IMMP1L: variants seen among roughly 807,000 people sequenced by gnomAD.
The protein encoded by IMMP1L is inner mitochondrial membrane peptidase subunit 1, also known as mitochondrial inner membrane protease subunit 1.
In IMMP1L, 24 loss-of-function variants were observed where a neutral mutation model predicts 21.8. The ratio of observed to expected loss-of-function variants is 1.10; its 90% CI spans 0.80 to 1.55. IMMP1L has a LOEUF of 1.55. Among genes scored for constraint, IMMP1L ranks in the 40% most tolerant of loss-of-function variants. IMMP1L has a pLI of 0.00. For missense variants in IMMP1L, 195 were observed against 200.7 expected (o/e 0.97, Z 0.17); for synonymous variants, 46 against 62.8 (o/e 0.73, Z 1.26).
intron 1 of IMMP1L, among the ~76,000 whole-genome samples, chr11:31,505,305 A>C (rs528115285): frequency 1.3e-5 from 2 of 152,344 alleles, no homozygotes; most frequent in South Asian, 4.1e-4. Flanking sequence ...AAACGTCGGG[A>C]GGGAATAGTT....
At position 31,433,537 on chromosome 11, in the gene IMMP1L, T is replaced by G. The variant is rs774699376; in HGVS notation, c.355A>C (p.Asn119His). Residue 119 changes from asparagine to histidine, a missense_variant, in exon 5 of 6, where the codon AAT (asparagine) becomes CAT (histidine). Physicochemically the swap from Asn to His is moderately conservative, Grantham distance 68 (BLOSUM62 1). Coordinates refer to ENST00000532287, the MANE Select transcript of IMMP1L (RefSeq NM_001304274.2). The part of the protein sequence containing the change: ...PMGHVWLEGD[N>H]LQNSTDSRCY... ...CTGGAATCTGTAGAATTCTGTAGAT[T>G]GTCACCTTCTAACCAAACATGACCC... 1 of 1,612,156 alleles carries G rather than the reference T, an allele frequency of 6.2e-7. No individual in the cohort carries two copies. The highest frequency in any genetic ancestry group is 1.3e-5 in the African/African-American group (1 of 74,970).
chr11:31,481,950 C>T (rs1460980041), intron 1 of IMMP1L, among the ~76,000 whole-genome samples: 1 of 151,974 alleles, frequency 6.6e-6, no homozygotes, highest in Non-Finnish European at 1.5e-5. Context: ...AATACTATTG[C>T]TTAAAATATT....
At chr11:31,503,348 A>G (rs1047441579) in intron 1 of IMMP1L, among the ~76,000 whole-genome samples, 2 of 152,224 alleles carry the variant, frequency 1.3e-5, no homozygotes, top group African/African-American at 4.8e-5. Flanking sequence ...GGCGGAACAA[A>G]CAAAGCCTTA....
chr11:31,441,289 T>C (rs1953319392), intron 4 of IMMP1L, among the ~76,000 whole-genome samples: 1 of 151,666 alleles, frequency 6.6e-6, no homozygotes, highest in South Asian at 2.1e-4. Flanking sequence ...TTGGGGGAGC[T>C]TGTTGAATTT....
At chr11:31,480,591 G>T (rs1181206528) in intron 1 of IMMP1L, among the ~76,000 whole-genome samples, 1 of 151,862 alleles carries the variant, frequency 6.6e-6, no homozygotes, top group Non-Finnish European at 1.5e-5. Context: ...ATATCTATCT[G>T]TAATACTGAG....
At chr11:31,470,353 C>A (rs953435887) in intron 1 of IMMP1L, among the ~76,000 whole-genome samples, 1 of 150,998 alleles carries the variant, frequency 6.6e-6, no homozygotes, top group South Asian at 2.1e-4. Flanking sequence ...GCGGAGGTTG[C>A]GGTGAGCCGA....
chr11:31,471,879 C>T (rs1564991987), intron 1 of IMMP1L, among the ~76,000 whole-genome samples: 1 of 152,110 alleles, frequency 6.6e-6, no homozygotes, highest in Non-Finnish European at 1.5e-5. Flanking sequence ...AACATGGGTA[C>T]CACTGGGCTA....
chr11:31,449,177 A>G, intron 4 of IMMP1L: 1 of 621,188 alleles, frequency 1.6e-6, no homozygotes, highest in South Asian at 7.2e-5. Flanking sequence ...TGACATAAGG[A>G]TTTAGTATAT....
At chr11:31,488,746 CT>C (rs1465559651) in intron 1 of IMMP1L, among the ~76,000 whole-genome samples, 2 of 151,992 alleles carry the variant, frequency 1.3e-5, no homozygotes, top group Non-Finnish European at 2.9e-5. Flanking sequence ...TAAAAAAAAC[CT>C]TGTGACCAGT....
intron 4 of IMMP1L, among the ~76,000 whole-genome samples, chr11:31,442,353 A>G (rs989496373): frequency 1.3e-5 from 2 of 152,144 alleles, no homozygotes; most frequent in Non-Finnish European, 2.9e-5. Context: ...GCTTTTGTGG[A>G]GGCAATACAC....
At chr11:31,490,794 T>G (rs1314855918) in intron 1 of IMMP1L, among the ~76,000 whole-genome samples, 1 of 152,142 alleles carries the variant, frequency 6.6e-6, no homozygotes, top group Non-Finnish European at 1.5e-5. Flanking sequence ...AAAAAGGGTC[T>G]TTGCAGATGT....
intron 1 of IMMP1L, among the ~76,000 whole-genome samples, chr11:31,494,807 A>G (rs1469373421): frequency 6.6e-6 from 1 of 152,046 alleles, no homozygotes; most frequent in Non-Finnish European, 1.5e-5. Flanking sequence ...CACCACGCCC[A>G]GCTAATTTTT....
chr11:31,433,285 G>A (rs1343596576), intron 5 of IMMP1L, among the ~76,000 whole-genome samples, 175 bp downstream of exon 5: 2 of 152,112 alleles, frequency 1.3e-5, no homozygotes, highest in Admixed American at 1.3e-4. Context: ...ATGGGAGCAG[G>A]GGCAATGGGG....
chr11:31,492,456 C>A (rs1053556956), intron 1 of IMMP1L, among the ~76,000 whole-genome samples: 1 of 152,166 alleles, frequency 6.6e-6, no homozygotes, highest in African/African-American at 2.4e-5. Context: ...GTAATAAGGT[C>A]ATTTCTCTTT....
chr11:31,478,842 A>T (rs1253175990), intron 1 of IMMP1L, among the ~76,000 whole-genome samples: 1 of 152,114 alleles, frequency 6.6e-6, no homozygotes, highest in East Asian at 1.9e-4. Context: ...AAATATTTGA[A>T]TCAAGTCAAA....
chr11:31,444,416 A>G (rs1462351512), intron 4 of IMMP1L, among the ~76,000 whole-genome samples: 1 of 152,112 alleles, frequency 6.6e-6, no homozygotes, highest in Non-Finnish European at 1.5e-5. Context: ...TTTACACTAT[A>G]TTCAATTATA....
At chr11:31,498,863 C>CA (rs1955532094) in intron 1 of IMMP1L, among the ~76,000 whole-genome samples, 1 of 152,138 alleles carries the variant, frequency 6.6e-6, no homozygotes, top group African/African-American at 2.4e-5. Flanking sequence ...CACAACATTA[C>CA]AGGGACTACA....
intron 4 of IMMP1L, among the ~76,000 whole-genome samples, chr11:31,446,645 A>G (rs559029427): frequency 6.6e-6 from 1 of 152,306 alleles, no homozygotes; most frequent in East Asian, 1.9e-4. Flanking sequence ...GCAGTTCCCC[A>G]AAAGCACAAT....
chr11:31,469,508 C>CAGGCT (rs1329049714), intron 1 of IMMP1L, among the ~76,000 whole-genome samples: 1 of 152,128 alleles, frequency 6.6e-6, no homozygotes, highest in Admixed American at 6.6e-5. Context: ...CTACTAGGCT[C>CAGGCT]AGCCTAACAG....
Sources: allele counts gnomAD v4.1 joint callset (sites outside exome capture counted in the v4.1 genomes callset), GRCh38; gene constraint gnomAD v4.1.1; transcripts MANE v1.5; gene names NCBI Gene and HGNC (gene_info 2026-07-23, HGNC 2026-07-21).